BOP1: variants seen among roughly 807,000 people sequenced by gnomAD.
The protein encoded by BOP1 is BOP1 ribosomal biogenesis factor, also known as ribosome biogenesis protein BOP1.
In BOP1, 54 loss-of-function variants were observed where a neutral mutation model predicts 82.9. The observed-to-expected ratio is 0.65, with a 90% confidence interval of 0.52 to 0.82. The LOEUF (loss-of-function observed/expected upper bound fraction) is 0.82, where lower values mean the gene tolerates loss of function less well. BOP1 is among the 40% of genes least tolerant of loss of function. The pLI is 0.00. For synonymous variants in BOP1, 566 were observed against 451.1 expected, an observed-to-expected ratio of 1.25 and a Z score of -3.23; for missense variants, 1,170 against 1,072.0, an observed-to-expected ratio of 1.09 and a Z score of -1.28.
At chr8:144,279,457 A>G (rs1845634802) in intron 2 of BOP1, among the ~76,000 whole-genome samples, 1 of 152,154 alleles carries the variant, frequency 6.6e-6, no homozygotes, top group Non-Finnish European at 1.5e-5. Flanking sequence ...ACCACTCCAC[A>G]GCACTGTGAC....
intron 3 of BOP1, among the ~76,000 whole-genome samples, chr8:144,268,947 G>C (rs542236373): frequency 6.6e-6 from 1 of 152,160 alleles, no homozygotes; most frequent in Non-Finnish European, 1.5e-5. Flanking sequence ...CCAGCGGAGG[G>C]GGGGGCTCCC....
chr8:144,264,478 T>G (rs1845310161), intron 6 of BOP1, 37 bp downstream of exon 6: 1 of 1,607,820 alleles, frequency 6.2e-7, no homozygotes, highest in Non-Finnish European at 8.5e-7. Context: ...TGCGGGGCGG[T>G]CAGCCCAGGC....
At chr8:144,271,508 A>T (rs1554837784) in intron 3 of BOP1, among the ~76,000 whole-genome samples, 1 of 151,484 alleles carries the variant, frequency 6.6e-6, no homozygotes, top group African/African-American at 2.4e-5. Flanking sequence ...TCCCCTGCAC[A>T]AAACGCCCGC....
intron 2 of BOP1, among the ~76,000 whole-genome samples, chr8:144,278,171 C>A (rs1172137310): frequency 6.6e-6 from 1 of 152,192 alleles, no homozygotes; most frequent in Non-Finnish European, 1.5e-5. Context: ...GCGAGCGCCA[C>A]TGGGCAGAGG....
rs1047022453 is a variant in BOP1, at chr8:144,263,961, G to C, written c.1140+20C>G. On this transcript the variant is annotated intron_variant, in intron 8 of 15. Coordinates refer to ENST00000569669, the MANE Select transcript of BOP1 (RefSeq NM_015201.5). Reference sequence around the variant, plus strand: ...GCCTTGCCCCCTGTGCCACCCCCCTGGTGTGCCACCCCCACACACCCTCAT... The same window carrying C: ...GCCTTGCCCCCTGTGCCACCCCCCTCGTGTGCCACCCCCACACACCCTCAT... The C allele has an allele frequency of 1.1e-4, 174 of 1,611,010 alleles. No individual in the cohort carries two copies. The highest frequency in any genetic ancestry group is 1.8e-4 in the South Asian group (16 of 91,004).
chr8:144,266,757 C>T, intron 3 of BOP1: 2 of 1,075,108 alleles, frequency 1.9e-6, no homozygotes, highest in Non-Finnish European at 2.3e-6. Flanking sequence ...CGCGCTGCGG[C>T]CTCCAGGGCG....
At position 144,262,183 on chromosome 8, in the gene BOP1, G is replaced by A; in HGVS notation, c.2222C>T (p.Thr741Ile). 6.2e-7 allele frequency: 1 copy of A among 1,612,540 alleles called. No homozygotes were observed. The highest frequency in any genetic ancestry group is 8.5e-7 in the Non-Finnish European group (1 of 1,179,816). ...PWVFSSGADGTVRLFT is the reference protein window; with the variant it reads ...PWVFSSGADGIVRLFT The stretch of plus-strand genomic sequence containing the variant: ...GAACAGCTAGGTGAAGAGGCGGACA[G>A]TCCCGTCTGCCCCCGAGGAGAAGAC... Residue 741 changes from threonine (T) to isoleucine (I), a missense_variant, in exon 16 of 16, where the codon ACT (threonine) becomes ATT (isoleucine). By Grantham distance (89) the Thr-to-Ile change is moderately conservative (BLOSUM62 -1). Coordinates refer to ENST00000569669, the MANE Select transcript of BOP1 (RefSeq NM_015201.5).
intron 1 of BOP1, among the ~76,000 whole-genome samples, chr8:144,290,743 C>A (rs1272910688): frequency 6.6e-6 from 1 of 152,214 alleles, no homozygotes; most frequent in East Asian, 1.9e-4. Flanking sequence ...CCCAGCGCGG[C>A]CGCGGCCGAG....
In BOP1 at chr8:144,263,734, G is replaced by C; in HGVS notation, c.1249C>G (p.Arg417Gly). Residue 417 changes from arginine (R) to glycine (G), a missense_variant, in exon 10 of 16, where the codon CGG (arginine) becomes GGG (glycine). By Grantham distance (125) the Arg-to-Gly change is moderately radical (BLOSUM62 -2). Transcript: ENST00000569669. ...CCCCCAGGAGAGACACTGAGGCACC[G>C]GACAAGGTCACTGTGGCCCCTGTAG... ...LVYRGHSDLV[R>G]CLSVSPGGQW... 6.3e-7 allele frequency: 1 copy of C among 1,577,808 alleles called. No homozygotes were observed. Among genetic ancestry groups the C allele is most frequent in the Non-Finnish European group, 8.6e-7 (1 of 1,163,056 alleles).
At chr8:144,284,368 T>G (rs782513438) in intron 2 of BOP1, among the ~76,000 whole-genome samples, 2 of 152,154 alleles carry the variant, frequency 1.3e-5, no homozygotes, top group African/African-American at 4.8e-5. Context: ...GGTGTGCACA[T>G]GTGAGAAACA....
At chr8:144,282,130 G>A (rs553821021) in intron 2 of BOP1, among the ~76,000 whole-genome samples, 302 of 152,360 alleles carry the variant, frequency 2.0e-3, no homozygotes, top group Non-Finnish European at 3.1e-3. Context: ...CGCGGCCCGC[G>A]CTGCCGTGTG....
intron 2 of BOP1, among the ~76,000 whole-genome samples, chr8:144,278,665 G>A (rs587686877): frequency 7.3e-4 from 111 of 152,288 alleles, no homozygotes; most frequent in African/African-American, 2.4e-3. Context: ...CCAGAACATC[G>A]CTGTCGGGGT....
intron 3 of BOP1, 78 bp from the exon 4 acceptor site, chr8:144,265,149 G>GAGGGGGTTGC: frequency 6.5e-7 from 1 of 1,540,318 alleles, no homozygotes; most frequent in South Asian, 1.2e-5. Context: ...GGGAGCAGGT[G>GAGGGGGTTGC]AGGGGGTTGC....
intron 3 of BOP1, chr8:144,266,962 C>T (rs878957491): frequency 1.9e-6 from 3 of 1,558,236 alleles, no homozygotes; most frequent in Non-Finnish European, 1.7e-6. Context: ...GATTGAGACG[C>T]TGCGCCTGGC....
In BOP1 at chr8:144,264,763, C is replaced by T. The variant is rs1845317561; in HGVS notation, c.614G>A (p.Arg205Gln). ...RLTDEQVALV[R>Q]RLQSGQFGDV... is the part of the protein sequence containing the mutation. ...CCCAAACTGGCCACTCTGCAGCCGCCGCACCAGGGCCACCTGCTCATCCGT... is the reference window on the plus strand; with the variant it reads ...CCCAAACTGGCCACTCTGCAGCCGCTGCACCAGGGCCACCTGCTCATCCGT... The change falls in exon 5 of 16, where the codon CGG (arginine) becomes CAG (glutamine). Residue 205 changes from arginine (R) to glutamine (Q), a missense_variant. By Grantham distance (43) the Arg-to-Gln change is conservative. Transcript: ENST00000569669. 17 of 1,601,878 alleles carry T rather than the reference C, an allele frequency of 1.1e-5. No homozygotes were observed. Among genetic ancestry groups the T allele is most frequent in the Admixed American group, 3.4e-5 (2 of 58,662 alleles).
rs958617970 is a variant in BOP1, at chr8:144,263,546, G to A, written c.1356C>T (p.Pro452=). 111 of 1,600,856 alleles carry A rather than the reference G, an allele frequency of 6.9e-5. No homozygotes were observed. Among genetic ancestry groups the A allele is most frequent in the Admixed American group, 6.2e-4 (37 of 59,974 alleles). The part of the protein sequence containing the change: ...VATARCVRTV[P]VGGVVKSVAW... ...CCACACTCTTCACCACGCCCCCCAC[G>A]GGAACAGTCCTCACACAGCGGGCAG... is the stretch of plus-strand genomic sequence containing the variant. The change falls in exon 11 of 16, where the codon CCC becomes CCT. Residue 452 remains proline (P), a synonymous_variant. Transcript: ENST00000569669.
At chr8:144,265,400 C>A in intron 3 of BOP1, 1 of 464,224 alleles carries the variant, frequency 2.2e-6, no homozygotes, top group Non-Finnish European at 3.9e-6. Context: ...CCTCATCACC[C>A]ACGGGCTCCC....
At chr8:144,277,824 AGGGGCG>A (rs1845593955) in intron 2 of BOP1, among the ~76,000 whole-genome samples, 2 of 151,792 alleles carry the variant, frequency 1.3e-5, no homozygotes, top group Admixed American at 6.5e-5. Flanking sequence ...CGGTGCGGGC[AGGGGCG>A]GCCACTGCTG....
At chr8:144,267,748 G>A (rs1403688701) in intron 3 of BOP1, among the ~76,000 whole-genome samples, 2 of 152,146 alleles carry the variant, frequency 1.3e-5, no homozygotes, top group East Asian at 1.9e-4. Context: ...TGGGGGTGAG[G>A]GCCCCTGCAG....
Sources: gnomAD v4.1 joint callset for allele counts (sites outside exome capture counted in the v4.1 genomes callset) on GRCh38, gnomAD v4.1.1 for gene constraint, MANE v1.5 for transcripts, NCBI Gene and HGNC (gene_info 2026-07-23, HGNC 2026-07-21) for gene names.